Variants in SMYD3 observed in about 807,000 individuals in gnomAD.
SMYD3 encodes histone-lysine N-methyltransferase SMYD3.
Under a neutral mutation model 57.7 loss-of-function variants are expected in SMYD3, and 36 were observed. The observed-to-expected ratio is 0.62, with a 90% CI of 0.48 to 0.82. The LOEUF (loss-of-function observed/expected upper bound fraction) is 0.82. Ranked by LOEUF, SMYD3 falls within the 40% of genes least tolerant of loss-of-function variation. SMYD3 has a pLI of 0.00. For missense variants in SMYD3, 515 were observed against 538.8 expected (o/e 0.96, Z 0.44); for synonymous variants, 211 against 195.0 (o/e 1.08, Z -0.68).
intron 5 of SMYD3, among the ~76,000 whole-genome samples, chr1:246,199,067 A>T (rs1406642120): frequency 6.6e-6 from 1 of 152,028 alleles, no homozygotes; most frequent in Non-Finnish European, 1.5e-5. Context: ...TGACTCCATC[A>T]CCCAGGGGGT....
intron 5 of SMYD3, among the ~76,000 whole-genome samples, chr1:246,158,293 A>T (rs1398858459): frequency 6.6e-6 from 1 of 152,214 alleles, no homozygotes; most frequent in African/African-American, 2.4e-5. Context: ...CATTCTATGT[A>T]CTTCCATCCT....
chr1:246,269,730 C>G (rs1340576716), intron 5 of SMYD3, among the ~76,000 whole-genome samples: 2 of 151,776 alleles, frequency 1.3e-5, no homozygotes, highest in African/African-American at 4.8e-5. Context: ...TCTTGCCTGG[C>G]TCATTTTAAA....
intron 1 of SMYD3, among the ~76,000 whole-genome samples, chr1:246,425,511 T>A (rs1035382539): frequency 2.0e-5 from 3 of 152,114 alleles, no homozygotes; most frequent in African/African-American, 7.2e-5. Flanking sequence ...CCTGAGAGTG[T>A]TCACTGGCTG....
At chr1:246,277,601 C>T (rs948738191) in intron 5 of SMYD3, among the ~76,000 whole-genome samples, 1 of 152,150 alleles carries the variant, frequency 6.6e-6, no homozygotes, top group African/African-American at 2.4e-5. Context: ...GCTTTATTCA[C>T]AATACCTAAT....
chr1:246,390,094 C>T (rs1479776518), intron 1 of SMYD3, among the ~76,000 whole-genome samples: 1 of 151,560 alleles, frequency 6.6e-6, no homozygotes, highest in Non-Finnish European at 1.5e-5. Context: ...TTCCCTAACG[C>T]TATAGTCCAA....
intron 5 of SMYD3, among the ~76,000 whole-genome samples, chr1:246,167,180 CA>C (rs1208607260): frequency 6.6e-6 from 1 of 152,186 alleles, no homozygotes; most frequent in Non-Finnish European, 1.5e-5. Context: ...TGTATTCATT[CA>C]ACTAACAACG....
At chr1:245,897,824 G>A (rs1237612352) in intron 8 of SMYD3, among the ~76,000 whole-genome samples, 1 of 152,080 alleles carries the variant, frequency 6.6e-6, no homozygotes, top group Non-Finnish European at 1.5e-5. Flanking sequence ...ACTGAAACCT[G>A]GGAGGCAGAG....
rs756702699 is a variant in SMYD3 at position 246,327,290 on chromosome 1, C to T, written c.442G>A (p.Val148Ile). 1.4e-5 allele frequency: 23 copies of T among 1,613,880 alleles called. No homozygotes were observed. The highest frequency in any genetic ancestry group is 1.9e-5 in the Non-Finnish European group (22 of 1,179,942). Residue 148 changes from valine (V) to isoleucine (I), a missense_variant, in exon 5 of 12, where the codon GTA (valine) becomes ATA (isoleucine). Val to Ile is a conservative substitution (Grantham distance 29, BLOSUM62 3). Coordinates refer to ENST00000490107, the MANE Select transcript of SMYD3 (RefSeq NM_001167740.2). ...EDKKEGLRQLVMTFQHFMREE... is the reference protein window; with the variant it reads ...EDKKEGLRQLIMTFQHFMREE... ...CTCATGAAATGTTGAAATGTCATTACGAGTTGCCTGAGGCCCTCTTTCTTA... is the reference window on the plus strand; with the variant it reads ...CTCATGAAATGTTGAAATGTCATTATGAGTTGCCTGAGGCCCTCTTTCTTA...
chr1:246,272,639 TG>T (rs140538444), intron 5 of SMYD3, among the ~76,000 whole-genome samples: 2,148 of 152,326 alleles, frequency 0.014, 56 homozygotes, highest in East Asian at 0.068. Flanking sequence ...AAATGCCATT[TG>T]GTCATGGTGT....
At chr1:246,017,511 C>T (rs1037156363) in intron 5 of SMYD3, among the ~76,000 whole-genome samples, 1 of 152,132 alleles carries the variant, frequency 6.6e-6, no homozygotes, top group African/African-American at 2.4e-5. Flanking sequence ...TAATGCGTCT[C>T]AGTTTGGGGT....
chr1:245,881,282 T>C (rs567172629), intron 8 of SMYD3, among the ~76,000 whole-genome samples: 1 of 152,314 alleles, frequency 6.6e-6, no homozygotes, highest in African/African-American at 2.4e-5. Context: ...GAATCTGTCA[T>C]GATGATAACT....
intron 8 of SMYD3, among the ~76,000 whole-genome samples, chr1:245,904,447 C>T (rs2054413673): frequency 6.6e-6 from 1 of 152,158 alleles, no homozygotes; most frequent in African/African-American, 2.4e-5. Context: ...AGGAAGAATA[C>T]AGCAATTGTG....
intron 10 of SMYD3, among the ~76,000 whole-genome samples, chr1:245,837,346 C>G (rs2050155306): frequency 6.6e-6 from 1 of 152,048 alleles, no homozygotes. Context: ...GCAGGGCATC[C>G]TCCCTGTTTG....
At chr1:245,940,292 C>T (rs2057179503) in intron 5 of SMYD3, among the ~76,000 whole-genome samples, 1 of 152,216 alleles carries the variant, frequency 6.6e-6, no homozygotes, top group Non-Finnish European at 1.5e-5. Context: ...AGCCACACTG[C>T]TTCTTTAAGC....
chr1:246,188,385 A>G (rs1023986066), intron 5 of SMYD3, among the ~76,000 whole-genome samples: 3 of 152,138 alleles, frequency 2.0e-5, no homozygotes, highest in Non-Finnish European at 2.9e-5. Flanking sequence ...TGCCTAATGG[A>G]GCCCTGCAAA....
At chr1:245,899,610 C>A (rs962660428) in intron 8 of SMYD3, among the ~76,000 whole-genome samples, 1 of 152,162 alleles carries the variant, frequency 6.6e-6, no homozygotes, top group African/African-American at 2.4e-5. Flanking sequence ...CACCATTAGA[C>A]CCATCTCAAT....
At chr1:246,487,641 T>C (rs2068208720) in intron 1 of SMYD3, among the ~76,000 whole-genome samples, 1 of 151,434 alleles carries the variant, frequency 6.6e-6, no homozygotes, top group Admixed American at 6.6e-5. Context: ...TACAAGCAAT[T>C]TCACCCTACT....
intron 5 of SMYD3, among the ~76,000 whole-genome samples, chr1:246,257,700 T>C (rs2063922368): frequency 6.6e-6 from 1 of 152,216 alleles, no homozygotes; most frequent in Non-Finnish European, 1.5e-5. Context: ...TATTATGCGG[T>C]TGCTTTATAG....
chr1:245,905,235 T>G (rs554357098), intron 8 of SMYD3, among the ~76,000 whole-genome samples: 2 of 151,986 alleles, frequency 1.3e-5, no homozygotes, highest in South Asian at 4.2e-4. Context: ...TAAAAGGGAC[T>G]CAACTACCAA....
Sources: gnomAD v4.1 joint callset for allele counts (sites outside exome capture counted in the v4.1 genomes callset) on GRCh38, gnomAD v4.1.1 for gene constraint, MANE v1.5 for transcripts, NCBI Gene and HGNC (gene_info 2026-07-23, HGNC 2026-07-21) for gene names.